Variants in SLCO2A1 observed in about 807,000 individuals in gnomAD.
SLCO2A1 encodes the protein matrin F/G 1.
SLCO2A1 carries 60 observed loss-of-function variants against 71.7 expected under a neutral mutation model. The observed-to-expected ratio is 0.84, with a 90% CI of 0.68 to 1.04. The LOEUF is 1.04. Ranked by LOEUF, SLCO2A1 falls within the 50% of genes least tolerant of loss-of-function variation. SLCO2A1 has a pLI of 0.00. For missense variants in SLCO2A1, 745 were observed against 813.4 expected (o/e 0.92, Z 1.02); for synonymous variants, 308 against 326.7 (o/e 0.94, Z 0.62).
rs1380101914 is a variant in SLCO2A1 at position 133,937,927 on chromosome 3, T to C, written c.1690+502A>G. On this transcript the variant is annotated intron_variant, in intron 12 of 13. Coordinates refer to ENST00000310926, the MANE Select transcript of SLCO2A1 (RefSeq NM_005630.3). Reference sequence around the variant, plus strand: ...CCCCTGGGGCACTGCTGATCACTTGTGCACAGCTCCATTCCTCTGGTGGGC... The same window carrying C: ...CCCCTGGGGCACTGCTGATCACTTGCGCACAGCTCCATTCCTCTGGTGGGC... Among the ~76,000 whole-genome samples the C allele has an allele frequency of 2.0e-5, 3 of 152,356 alleles. No individual in the cohort carries two copies. In the East Asian group the frequency reaches 5.8e-4, roughly 29 times the overall value.
rs556189218 is a variant in SLCO2A1, at chr3:133,976,387, G to T, written c.235-2562C>A. Among the ~76,000 whole-genome samples, 13 of 152,354 alleles carry T rather than the reference G, an allele frequency of 8.5e-5. No individual in the cohort carries two copies. The East Asian group carries it at 2.3e-3, about 27-fold the overall frequency. ...GTGGCTGACTTTAGAAGGCCTGGGT[G>T]AGGGTCAGTGGAGGGCCCCGAAGGG... On this transcript the variant is annotated intron_variant, in intron 2 of 13. Transcript: ENST00000310926.
chr3:134,012,548 A>C (rs1935365096), intron 1 of SLCO2A1, among the ~76,000 whole-genome samples: 1 of 152,186 alleles, frequency 6.6e-6, no homozygotes. Flanking sequence ...ATAATTCCAT[A>C]AGCCAGGAAG....
intron 2 of SLCO2A1, among the ~76,000 whole-genome samples, chr3:133,977,624 G>A (rs778572551): frequency 2.0e-5 from 3 of 152,156 alleles, no homozygotes; most frequent in Non-Finnish European, 4.4e-5. Context: ...GGATTCTGAG[G>A]CTGTGCATGA....
chr3:133,996,897 A>G (rs1160899976), intron 1 of SLCO2A1, among the ~76,000 whole-genome samples: 1 of 152,214 alleles, frequency 6.6e-6, no homozygotes. Context: ...AGGTAGAAGG[A>G]TGGCAGTAGG....
chr3:133,979,489 A>G lies in SLCO2A1; in HGVS notation c.226T>C (p.Leu76=), dbSNP rs773586680. 15 of 1,614,022 alleles carry G rather than the reference A, an allele frequency of 9.3e-6. No individual in the cohort carries two copies. The Admixed American group carries it at 2.5e-4, about 27-fold the overall frequency. The change falls in exon 2 of 14, where the codon TTG becomes CTG. Residue 76 remains leucine, a synonymous_variant. Coordinates refer to ENST00000310926, the MANE Select transcript of SLCO2A1 (RefSeq NM_005630.3). The part of the protein sequence containing the change: ...SSSSSGLISS[L]NEISNAILII... ...CAGAACCTCCTGCTCACCTCATTCAAGCTGGAAATGAGACCCGATGAAGAA... is the reference window on the plus strand; with the variant it reads ...CAGAACCTCCTGCTCACCTCATTCAGGCTGGAAATGAGACCCGATGAAGAA...
chr3:133,953,703 G>T lies in SLCO2A1; in HGVS notation c.684C>A (p.Val228=). The T allele has an allele frequency of 6.2e-7, 1 of 1,614,190 alleles. No individual in the cohort carries two copies. The highest frequency in any genetic ancestry group is 8.5e-7 in the Non-Finnish European group (1 of 1,180,038). ...CATAGTCCACAAAGATCTGCAGCAT[G>T]ACAGAGCCCAGCAGGTACCCGAAAG... ...GPAFGYLLGS[V]MLQIFVDYGR... is the part of the protein sequence containing the mutation. The change falls in exon 5 of 14, where the codon GTC becomes GTA. Residue 228 remains valine (V), a synonymous_variant. Coordinates refer to ENST00000310926, the MANE Select transcript of SLCO2A1 (RefSeq NM_005630.3).
chr3:133,935,705 G>C, intron 13 of SLCO2A1, 69 bp downstream of exon 13: 1 of 1,455,140 alleles, frequency 6.9e-7, no homozygotes. Flanking sequence ...GTAGCCACTG[G>C]GCATATGACT....
intron 1 of SLCO2A1, among the ~76,000 whole-genome samples, chr3:133,990,933 A>G (rs1000152038): frequency 1.3e-5 from 2 of 151,986 alleles, no homozygotes; most frequent in African/African-American, 4.8e-5. Context: ...AACATGGTAA[A>G]ACCCCATCTC....
intron 3 of SLCO2A1, among the ~76,000 whole-genome samples, chr3:133,957,937 GAGA>G (rs1933935832): frequency 6.6e-6 from 1 of 152,226 alleles, no homozygotes. Context: ...GCCCAAGCAT[GAGA>G]AGTCAGACCC....
intron 1 of SLCO2A1, among the ~76,000 whole-genome samples, chr3:134,013,507 G>A (rs1023531961): frequency 2.6e-5 from 4 of 152,160 alleles, no homozygotes. Flanking sequence ...GGTGTCCCAT[G>A]GGGCCCGGCC....
intron 1 of SLCO2A1, among the ~76,000 whole-genome samples, chr3:133,983,091 C>A (rs1934630771): frequency 6.6e-6 from 1 of 152,180 alleles, no homozygotes; most frequent in Admixed American, 6.5e-5. Context: ...TGTTCTCTCC[C>A]TCTGAATATG....
At chr3:133,977,691 C>G (rs538841405) in intron 2 of SLCO2A1, among the ~76,000 whole-genome samples, 32 of 152,266 alleles carry the variant, frequency 2.1e-4, no homozygotes, top group Admixed American at 1.8e-3. Flanking sequence ...GGTCATGAAA[C>G]AAGACCGTGG....
intron 1 of SLCO2A1, among the ~76,000 whole-genome samples, chr3:133,991,084 T>C (rs1934831388): frequency 6.6e-6 from 1 of 151,796 alleles, no homozygotes; most frequent in Non-Finnish European, 1.5e-5. Flanking sequence ...CACTCCAGCC[T>C]GGGTGACAGA....
At chr3:134,025,148 T>G (rs1209817447) in intron 1 of SLCO2A1, among the ~76,000 whole-genome samples, 3 of 152,146 alleles carry the variant, frequency 2.0e-5, no homozygotes, top group Non-Finnish European at 4.4e-5. Flanking sequence ...AAATTTGCAT[T>G]TTTACAATAA....
intron 1 of SLCO2A1, among the ~76,000 whole-genome samples, chr3:134,011,144 G>A (rs1370419101): frequency 1.3e-5 from 2 of 152,140 alleles, no homozygotes; most frequent in Non-Finnish European, 2.9e-5. Flanking sequence ...TCCGCCTCCT[G>A]GGTTCAAGCA....
intron 10 of SLCO2A1, among the ~76,000 whole-genome samples, chr3:133,943,501 C>T (rs561933521): frequency 1.3e-5 from 2 of 152,286 alleles, no homozygotes; most frequent in South Asian, 4.1e-4. Flanking sequence ...TAACTATGCA[C>T]CCTCTTCACT....
intron 5 of SLCO2A1, among the ~76,000 whole-genome samples, chr3:133,952,372 G>A (rs1212071770): frequency 9.9e-5 from 15 of 152,234 alleles, no homozygotes; most frequent in Admixed American, 3.3e-4. Flanking sequence ...TATCTGTGAC[G>A]TGACTTGTTT....
chr3:133,965,496 T>C (rs1434302490), intron 3 of SLCO2A1, among the ~76,000 whole-genome samples: 3 of 152,128 alleles, frequency 2.0e-5, no homozygotes, highest in South Asian at 2.1e-4. Context: ...GCTGGGAGGA[T>C]TGGACAGTCC....
intron 6 of SLCO2A1, among the ~76,000 whole-genome samples, chr3:133,950,035 A>G (rs1933699087): frequency 1.3e-5 from 2 of 151,944 alleles, no homozygotes; most frequent in Admixed American, 1.3e-4. Context: ...GGGTCTCGCT[A>G]TGTTGCCCAG....
Sources: allele counts gnomAD v4.1 joint callset (sites outside exome capture counted in the v4.1 genomes callset), GRCh38; gene constraint gnomAD v4.1.1; transcripts MANE v1.5; gene names NCBI Gene and HGNC (gene_info 2026-07-23, HGNC 2026-07-21).